Variants in BTRC observed in about 807,000 individuals in gnomAD.
BTRC encodes the protein F-box/WD repeat-containing protein 1A.
A neutral mutation model predicts 85.5 loss-of-function variants in BTRC; 42 were observed. The observed-to-expected ratio is 0.49, with a 90% CI of 0.38 to 0.64. BTRC has a LOEUF of 0.64. Ranked by LOEUF, BTRC falls within the 30% of genes least tolerant of loss-of-function variation. The pLI, the probability that BTRC is intolerant of heterozygous loss-of-function variation, is 0.00. For missense variants in BTRC, 594 were observed against 743.5 expected (o/e 0.80, Z 2.34); for synonymous variants, 255 against 263.3 (o/e 0.97, Z 0.30).
chr10:101,438,188 AG>A (rs1564772657), intron 2 of BTRC, among the ~76,000 whole-genome samples: 1 of 152,124 alleles, frequency 6.6e-6, no homozygotes, highest in Non-Finnish European at 1.5e-5. Context: ...GCACTTTGGG[AG>A]GCCAAGGAGG....
chr10:101,356,993 G>T (rs913730985), intron 1 of BTRC, among the ~76,000 whole-genome samples: 11 of 151,740 alleles, frequency 7.2e-5, no homozygotes, highest in African/African-American at 2.7e-4. Flanking sequence ...GGCGGGTGTG[G>T]CAGCGTGCGC....
chr10:101,549,713 CAAAAAAAA>C (rs755481178), intron 13 of BTRC, among the ~76,000 whole-genome samples: 6 of 42,768 alleles, frequency 1.4e-4, no homozygotes, highest in South Asian at 1.7e-3. Context: ...GACTCTGTCT[CAAAAAAAA>C]AAAAAAAAAA....
intron 1 of BTRC, among the ~76,000 whole-genome samples, chr10:101,357,561 T>C (rs1942078106): frequency 6.6e-6 from 1 of 152,172 alleles, no homozygotes; most frequent in African/African-American, 2.4e-5. Context: ...TTGGCTTTGT[T>C]CTGGTCTTAA....
At chr10:101,439,308 A>G (rs1219408146) in intron 2 of BTRC, among the ~76,000 whole-genome samples, 2 of 152,158 alleles carry the variant, frequency 1.3e-5, no homozygotes, top group African/African-American at 4.8e-5. Flanking sequence ...TACACGAGCA[A>G]AGCACCCTGT....
At chr10:101,362,796 C>T (rs1364077885) in intron 1 of BTRC, among the ~76,000 whole-genome samples, 1 of 152,050 alleles carries the variant, frequency 6.6e-6, no homozygotes, top group African/African-American at 2.4e-5. Flanking sequence ...CTAATTCAAC[C>T]ATTGATTGAA....
chr10:101,454,740 T>C (rs1945031665), intron 2 of BTRC, among the ~76,000 whole-genome samples: 1 of 152,152 alleles, frequency 6.6e-6, no homozygotes, highest in African/African-American at 2.4e-5. Context: ...TATGATCATG[T>C]CATTACACTC....
intron 4 of BTRC, among the ~76,000 whole-genome samples, chr10:101,509,333 C>T (rs1946632273): frequency 7.4e-6 from 1 of 134,586 alleles, no homozygotes; most frequent in South Asian, 2.5e-4. Flanking sequence ...CGGCTCACTG[C>T]AAGCTCCGCC....
chr10:101,465,747 G>C, intron 3 of BTRC, among the ~76,000 whole-genome samples: 1 of 152,168 alleles, frequency 6.6e-6, no homozygotes, highest in East Asian at 1.9e-4. Flanking sequence ...AAGAGACACT[G>C]TTCCCTGTGT....
chr10:101,509,699 T>C (rs1946648404), intron 4 of BTRC, among the ~76,000 whole-genome samples: 1 of 148,134 alleles, frequency 6.8e-6, no homozygotes, highest in Admixed American at 6.8e-5. Context: ...ACTACAGGCA[T>C]GCACCACCAC....
intron 2 of BTRC, among the ~76,000 whole-genome samples, chr10:101,443,611 TA>T (rs988139096): frequency 2.6e-5 from 4 of 152,242 alleles, no homozygotes; most frequent in Admixed American, 6.5e-5. Flanking sequence ...AGAAAAGTTT[TA>T]ATTTCTTCTA....
chr10:101,380,919 C>G (rs921112131), intron 1 of BTRC, among the ~76,000 whole-genome samples: 6 of 152,160 alleles, frequency 3.9e-5, no homozygotes, highest in Admixed American at 3.9e-4. Context: ...TAACCTGTTG[C>G]TTGTGCAGTT....
intron 1 of BTRC, among the ~76,000 whole-genome samples, chr10:101,366,968 ATATATATT>A (rs1295672939): frequency 0.021 from 699 of 33,162 alleles, 150 homozygotes; most frequent in Middle Eastern, 0.062. Context: ...ATTTATATAA[ATATATATT>A]TATATATTTA....
intron 2 of BTRC, among the ~76,000 whole-genome samples, chr10:101,455,929 G>A (rs1314584746): frequency 6.7e-6 from 1 of 149,654 alleles, no homozygotes; most frequent in Non-Finnish European, 1.5e-5. Context: ...ATCACTTGAG[G>A]TTAGGAGTTC....
At position 101,502,962 on chromosome 10, in the gene BTRC, A is replaced by G. The variant is rs114616991; in HGVS notation, c.325-18677A>G. Reference sequence around the variant, plus strand: ...ACTCATCACAACTTATGCCCTTACTATGTGCCAGGTACTCTTTCTGAATAC... The same window carrying G: ...ACTCATCACAACTTATGCCCTTACTGTGTGCCAGGTACTCTTTCTGAATAC... On this transcript the variant is annotated intron_variant, in intron 4 of 14. Transcript: ENST00000370187. Among the ~76,000 whole-genome samples the G allele has an allele frequency of 6.8e-3, 1,037 of 152,268 alleles. 11 individuals are homozygous for G. Among genetic ancestry groups the G allele is most frequent in the African/African-American group, 0.02 (849 of 41,570 alleles).
chr10:101,403,198 C>A (rs1943532301), intron 1 of BTRC, among the ~76,000 whole-genome samples: 1 of 152,172 alleles, frequency 6.6e-6, no homozygotes, highest in South Asian at 2.1e-4. Flanking sequence ...CTGTTTTCAT[C>A]AAGTACTTTC....
intron 9 of BTRC, among the ~76,000 whole-genome samples, chr10:101,534,370 A>G (rs1241496800): frequency 1.3e-5 from 2 of 152,208 alleles, no homozygotes; most frequent in South Asian, 2.1e-4. Flanking sequence ...CTCATTTAAA[A>G]TGTATCTTAC....
intron 2 of BTRC, among the ~76,000 whole-genome samples, chr10:101,445,818 C>T (rs1944808786): frequency 6.6e-6 from 1 of 152,160 alleles, no homozygotes; most frequent in African/African-American, 2.4e-5. Context: ...GTTGTGTACC[C>T]TGAGGATGAA....
chr10:101,417,258 A>T (rs1589441897), intron 1 of BTRC, among the ~76,000 whole-genome samples: 1 of 152,228 alleles, frequency 6.6e-6, no homozygotes, highest in East Asian at 1.9e-4. Flanking sequence ...GGATCACATG[A>T]TACATTTAGT....
At chr10:101,446,101 T>TCC (rs554853772) in intron 2 of BTRC, among the ~76,000 whole-genome samples, 23 of 131,710 alleles carry the variant, frequency 1.7e-4, no homozygotes, top group South Asian at 1.6e-3. Flanking sequence ...TTTGTTCTCT[T>TCC]CCCCCCCCAC....
Sources: gnomAD v4.1 joint callset for allele counts (sites outside exome capture counted in the v4.1 genomes callset) on GRCh38, gnomAD v4.1.1 for gene constraint, MANE v1.5 for transcripts, NCBI Gene and HGNC (gene_info 2026-07-23, HGNC 2026-07-21) for gene names.